The following ATG2A variants were observed in gnomAD, a reference collection of about 807,000 sequenced individuals.
ATG2A encodes the protein autophagy related 2A.
A neutral mutation model predicts 214.2 loss-of-function variants in ATG2A; 103 were observed. The ratio of observed to expected loss-of-function variants is 0.48; its 90% confidence interval spans 0.41 to 0.57. The LOEUF is 0.57. Among genes scored for constraint, ATG2A ranks in the 20% least tolerant of loss-of-function variants. ATG2A has a pLI of 0.00. For synonymous variants in ATG2A, 1,160 were observed against 1,142.1 expected (o/e 1.02, Z -0.32); for missense variants, 2,312 against 2,613.2 (o/e 0.88, Z 2.51).
chr11:64,898,625 G>T lies in ATG2A; in HGVS notation c.4671+11C>A. 6.2e-7 allele frequency: 1 copy of T among 1,611,984 alleles called. No individual in the cohort carries two copies. Among genetic ancestry groups the T allele is most frequent in the East Asian group, 2.2e-5 (1 of 44,824 alleles). On this transcript the variant is annotated intron_variant, in intron 32 of 40. Transcript: ENST00000377264. The surrounding 1 kb of genome is among the most constrained non-coding windows in gnomAD (Gnocchi z 4.5). ...CCCTGCCCCAGGGTGGATGGTGCAGGTCGCTCATACCATGTTAGAGTGGGC... is the reference window on the plus strand; with the variant it reads ...CCCTGCCCCAGGGTGGATGGTGCAGTTCGCTCATACCATGTTAGAGTGGGC...
Position 64,913,489 on chromosome 11 carries a change from G to A in ATG2A, c.591-88C>T. ...CAGTGCTCTGCTCTAGGGGCACGGGGTCAGGGAGCCTAGCCTGCAGAGCTG... is the reference window on the plus strand; with the variant it reads ...CAGTGCTCTGCTCTAGGGGCACGGGATCAGGGAGCCTAGCCTGCAGAGCTG... On this transcript the variant is annotated intron_variant, in intron 4 of 40. Coordinates refer to ENST00000377264, the MANE Select transcript of ATG2A (RefSeq NM_015104.3). This position sits in a 1 kb window ranked among gnomAD's most constrained non-coding sequence, Gnocchi z 4.3. 7.0e-7 allele frequency: 1 copy of A among 1,434,446 alleles called. No individual in the cohort carries two copies. Among genetic ancestry groups the A allele is most frequent in the Non-Finnish European group, 9.2e-7 (1 of 1,084,542 alleles). The allele number at this position is 1,434,446 out of a possible 1,614,324, so 88.9% of individuals were successfully genotyped here.
intron 7 of ATG2A, 39 bp from the exon 8 acceptor site, chr11:64,912,288 T>TGGCCC: frequency 2.0e-5 from 30 of 1,470,814 alleles, no homozygotes; most frequent in Non-Finnish European, 2.4e-5. Context: ...TGGCTGGCCC[T>TGGCCC]CCCAGCCACC....
chr11:64,907,777 G>C lies in ATG2A; in HGVS notation c.2478C>G (p.Ser826Arg), dbSNP rs1232276652. The change falls in exon 17 of 41, where the codon AGC becomes AGG. Residue 826 changes from serine (S) to arginine (R), a missense_variant. Ser to Arg is a moderately radical substitution (Grantham distance 110, BLOSUM62 -1). Transcript: ENST00000377264. ...TGTAGATGCTCTCGTAGACCTCCTT[G>C]CTGGGCAGAAAGATGTGGACACTGG... ...ILPSVHIFLPSKEVYESIYNR... is the reference protein window; with the variant it reads ...ILPSVHIFLPRKEVYESIYNR... 6.2e-7 allele frequency: 1 copy of C among 1,613,384 alleles called. No individual in the cohort carries two copies. Among genetic ancestry groups the C allele is most frequent in the African/African-American group, 1.3e-5 (1 of 74,912 alleles).
chr11:64,910,168 G>A lies in ATG2A; in HGVS notation c.1735C>T (p.His579Tyr), dbSNP rs757081298. The change falls in exon 13 of 41, where the codon CAT becomes TAT. Residue 579 changes from histidine to tyrosine, a missense_variant. Transcript: ENST00000377264. ...KSRPRRSVAC[H>Y]CHSELALDLA... ...TCCAGGGCCAGTTCTGAGTGGCAATGGCAGGCAACTGAGCGCCGGGGTCGG... is the reference window on the plus strand; with the variant it reads ...TCCAGGGCCAGTTCTGAGTGGCAATAGCAGGCAACTGAGCGCCGGGGTCGG... The A allele has an allele frequency of 6.2e-7, 1 of 1,608,558 alleles. No individual in the cohort carries two copies. The highest frequency in any genetic ancestry group is 1.7e-5 in the Admixed American group (1 of 59,012).
chr11:64,902,750 G>A (rs977174896), intron 26 of ATG2A, 70 bp from the exon 27 acceptor site: 23 of 1,429,470 alleles, frequency 1.6e-5, no homozygotes, highest in Admixed American at 3.6e-5. Context: ...CCACCCGCTC[G>A]CTGGGAGGGC....
intron 29 of ATG2A, 94 bp downstream of exon 29, chr11:64,901,868 T>G: frequency 2.8e-6 from 4 of 1,431,046 alleles, no homozygotes; most frequent in Non-Finnish European, 3.8e-6. Flanking sequence ...CCACGGGAGC[T>G]CCAGATGGCC....
chr11:64,906,060 A>C, intron 22 of ATG2A, 53 bp downstream of exon 22: 1 of 1,536,726 alleles, frequency 6.5e-7, no homozygotes, highest in Non-Finnish European at 8.8e-7. Context: ...TGCTTGCCCA[A>C]AACAGAAGTC....
At position 64,901,073 on chromosome 11, in the gene ATG2A, A is replaced by G; in HGVS notation, c.4139T>C (p.Val1380Ala). ...GGGGCCGGGATGCAGCTGTGTCACCACAGGCTCCCCATCTCGGGGCTGCAG... is the reference window on the plus strand; with the variant it reads ...GGGGCCGGGATGCAGCTGTGTCACCGCAGGCTCCCCATCTCGGGGCTGCAG... ...LGIPPRDGEP[V>A]VTQLHPGPIV... is the part of the protein sequence containing the mutation. The change falls in exon 30 of 41, where the codon GTG (valine) becomes GCG (alanine). Residue 1380 changes from valine to alanine, a missense_variant. Transcript: ENST00000377264. 1 of 1,573,224 alleles carries G rather than the reference A, an allele frequency of 6.4e-7. No homozygotes were observed. Among genetic ancestry groups the G allele is most frequent in the Admixed American group, 1.8e-5 (1 of 54,650 alleles).
Position 64,909,912 on chromosome 11 carries a change from G to A in ATG2A, c.1876C>T (p.Pro626Ser), listed in dbSNP as rs1276251652. The A allele has an allele frequency of 1.2e-6, 2 of 1,602,088 alleles. No homozygotes were observed. The highest frequency in any genetic ancestry group is 8.5e-7 in the Non-Finnish European group (1 of 1,174,846). Residue 626 changes from proline (P) to serine (S), a missense_variant, in exon 14 of 41, where the codon CCG (proline) becomes TCG (serine). Transcript: ENST00000377264. ...AATACCGTCTGCTGCTCCATCGCCG[G>A]CAGGGGCTCTGTCTGCAGGAGGATT... ...PPAGLLTEPL[P>S]AMEQQTVFRL...
Position 64,906,377 on chromosome 11 carries a change from G to C in ATG2A, c.3140C>G (p.Ser1047Cys). 1 of 1,613,318 alleles carries C rather than the reference G, an allele frequency of 6.2e-7. No individual in the cohort carries two copies. The highest frequency in any genetic ancestry group is 8.5e-7 in the Non-Finnish European group (1 of 1,179,996). The change falls in exon 21 of 41, where the codon TCC (serine) becomes TGC (cysteine). Residue 1047 changes from serine (S) to cysteine (C), a missense_variant. Ser to Cys is a moderately radical substitution (Grantham distance 112). Coordinates refer to ENST00000377264, the MANE Select transcript of ATG2A (RefSeq NM_015104.3). ...KGQGRGPHML[S>C]TAVRIHLDPH... ...GTCCAGGTGGATGCGCACAGCAGTG[G>C]ACAACATGTGGGGTCCCCGGCCCTG...
chr11:64,903,404 C>T lies in ATG2A; in HGVS notation c.3536-40G>A. 1 of 1,607,210 alleles carries T rather than the reference C, an allele frequency of 6.2e-7. No homozygotes were observed. The highest frequency in any genetic ancestry group is 8.5e-7 in the Non-Finnish European group (1 of 1,174,578). On this transcript the variant is annotated intron_variant, in intron 25 of 40. Transcript: ENST00000377264. This position sits in a 1 kb window ranked among gnomAD's most constrained non-coding sequence, Gnocchi z 4.2. ...AGAGAAAGGTCCTGTGGCCCCCTTC[C>T]ACCCGGCCCCGGCCCCAGCACCTGG...
rs1944121249 is a variant in ATG2A, at chr11:64,895,497, C to T, written c.5428-55G>A. Reference sequence around the variant, plus strand: ...CAGCTGGCTGGGGCACACGTCAGCCCCAGGCCCCCAGGACAGTCTGAGACC... The same window carrying T: ...CAGCTGGCTGGGGCACACGTCAGCCTCAGGCCCCCAGGACAGTCTGAGACC... On this transcript the variant is annotated intron_variant, in intron 39 of 40. Coordinates refer to ENST00000377264, the MANE Select transcript of ATG2A (RefSeq NM_015104.3). This position sits in a 1 kb window ranked among gnomAD's most constrained non-coding sequence, Gnocchi z 5.0. 5.4e-6 allele frequency: 8 copies of T among 1,474,212 alleles called. No homozygotes were observed. Among genetic ancestry groups the T allele is most frequent in the Non-Finnish European group, 7.2e-6 (8 of 1,108,300 alleles). The allele number at this position is 1,474,212 out of a possible 1,614,324, so 91.3% of individuals were successfully genotyped here. A position where few individuals can be genotyped will look rare whatever the true frequency, so the allele number is the denominator to read the frequency against.
At chr11:64,905,181 A>T (rs1052335289) in intron 24 of ATG2A, among the ~76,000 whole-genome samples, 1 of 152,208 alleles carries the variant, frequency 6.6e-6, no homozygotes, top group African/African-American at 2.4e-5. Flanking sequence ...GGGATTCTTC[A>T]GCTTCACCTT....
intron 22 of ATG2A, 84 bp from the exon 23 acceptor site, chr11:64,905,932 T>C (rs912161065): frequency 5.6e-6 from 8 of 1,437,582 alleles, no homozygotes; most frequent in Admixed American, 1.8e-5. Context: ...GGCCCCTGCC[T>C]GGCACCTCAC....
chr11:64,916,253 C>T (rs2136657360), intron 1 of ATG2A, among the ~76,000 whole-genome samples: 2 of 152,264 alleles, frequency 1.3e-5, no homozygotes, highest in South Asian at 4.1e-4. Flanking sequence ...GCCAGATCTC[C>T]CCACCTTTCC....
Position 64,900,517 on chromosome 11 carries a change from G to A in ATG2A, c.4441C>T (p.Leu1481Phe). The A allele has an allele frequency of 1.9e-6, 3 of 1,613,554 alleles. No homozygotes were observed. Among genetic ancestry groups the A allele is most frequent in the Non-Finnish European group, 2.5e-6 (3 of 1,180,022 alleles). The change falls in exon 31 of 41, where the codon CTC becomes TTC. Residue 1481 changes from leucine to phenylalanine, a missense_variant. By Grantham distance (22) the Leu-to-Phe change is conservative. Transcript: ENST00000377264. Reference sequence around the variant, plus strand: ...ACCTTGCTCAGCTGGATCTCCATGAGGACATGGTGCTGCCGCCCGCTGCCC... The same window carrying A: ...ACCTTGCTCAGCTGGATCTCCATGAAGACATGGTGCTGCCGCCCGCTGCCC... ...QGGSGRQHHV[L>F]MEIQLSKVSF... is the part of the protein sequence containing the mutation.
chr11:64,901,904 C>G (rs1054342966), intron 29 of ATG2A, 58 bp downstream of exon 29: 1 of 1,586,098 alleles, frequency 6.3e-7, no homozygotes, highest in Non-Finnish European at 8.6e-7. Context: ...AGTGTTCCGT[C>G]CCCGCTCCAA....
intron 36 of ATG2A, 88 bp downstream of exon 36, chr11:64,897,583 A>G: frequency 6.2e-7 from 1 of 1,605,588 alleles, no homozygotes; most frequent in Non-Finnish European, 8.5e-7. Context: ...CCTGGCTGCT[A>G]ACAGTGCCTG....
At chr11:64,915,192 C>G (rs1944935810) in intron 1 of ATG2A, among the ~76,000 whole-genome samples, 1 of 136,008 alleles carries the variant, frequency 7.4e-6, no homozygotes, top group African/African-American at 2.7e-5. Flanking sequence ...CTGTGAGGCA[C>G]AAGGCTGAGC....
Sources: allele counts gnomAD v4.1 joint callset (sites outside exome capture counted in the v4.1 genomes callset), GRCh38; gene constraint gnomAD v4.1.1; non-coding constraint Gnocchi (gnomAD v3.1); transcripts MANE v1.5; gene names NCBI Gene and HGNC (gene_info 2026-07-23, HGNC 2026-07-21).